Variants in EPN2 observed in about 807,000 individuals in gnomAD.
EPN2 encodes epsin-2.
A neutral mutation model predicts 61.7 loss-of-function variants in EPN2; 34 were observed. That is an observed-to-expected ratio of 0.55 (90% CI 0.42 to 0.73). The LOEUF (loss-of-function observed/expected upper bound fraction) is 0.73, where lower values mean the gene tolerates loss of function less well. Ranked by LOEUF, EPN2 falls within the 30% of genes least tolerant of loss-of-function variation. The probability of loss-of-function intolerance (pLI) is 0.00; values close to 1 mark genes in which losing one functional copy is unlikely to be tolerated. For missense variants in EPN2, 714 were observed against 839.2 expected (o/e 0.85, Z 1.84); for synonymous variants, 349 against 353.6 (o/e 0.99, Z 0.15).
At chr17:19,244,470 A>G (rs115256557) in intron 1 of EPN2, among the ~76,000 whole-genome samples, 1,800 of 152,176 alleles carry the variant, frequency 0.012, 33 homozygotes, top group African/African-American at 0.041. Flanking sequence ...AAAAAAAAAA[A>G]AAAGAAAGAA....
intron 1 of EPN2, among the ~76,000 whole-genome samples, chr17:19,256,021 T>A (rs1215498876): frequency 6.6e-6 from 1 of 152,070 alleles, no homozygotes; most frequent in African/African-American, 2.4e-5. Context: ...CACTGCAAGC[T>A]CTGCCTCCTG....
At chr17:19,271,383 C>T (rs746459302) in intron 1 of EPN2, among the ~76,000 whole-genome samples, 4 of 152,214 alleles carry the variant, frequency 2.6e-5, no homozygotes, top group African/African-American at 4.8e-5. Context: ...AAGGCAGGAG[C>T]CACTTCCGGT....
rs895861305 is a variant in EPN2 at position 19,335,499 on chromosome 17, A to T, written c.*1245A>T. ...TGTGTCTGTGATCTCCTCTGTCTTA[A>T]TCCACGCTCAGGCTAAAGATGGGGA... On this transcript the variant is annotated 3_prime_UTR_variant, in exon 11 of 11. Coordinates refer to ENST00000314728, the MANE Select transcript of EPN2 (RefSeq NM_014964.5). The T allele has an allele frequency of 2.6e-4, 401 of 1,542,380 alleles. 1 individual carries two copies. The highest frequency in any genetic ancestry group is 1.0e-4 in the Non-Finnish European group (114 of 1,142,364).
At chr17:19,308,263 C>T (rs980655130) in intron 4 of EPN2, 28 of 654,600 alleles carry the variant, frequency 4.3e-5, no homozygotes, top group African/African-American at 5.9e-5. Flanking sequence ...TAGTAGAGAC[C>T]GGGTTTTACC....
chr17:19,328,646 C>T lies in EPN2; in HGVS notation c.1148-65C>T, dbSNP rs1038781604. Reference sequence around the variant, plus strand: ...GGTGTGGCTGGCAGTATCCTTTTCCCTTCTCACCCCAGCTGCCCAGACCCT... The same window carrying T: ...GGTGTGGCTGGCAGTATCCTTTTCCTTTCTCACCCCAGCTGCCCAGACCCT... On this transcript the variant is annotated intron_variant, in intron 7 of 10. Transcript: ENST00000314728. The T allele has an allele frequency of 1.1e-5, 16 of 1,454,066 alleles. No homozygotes were observed. In the East Asian group the frequency reaches 2.1e-4, roughly 19 times the overall value. The allele number at this position is 1,454,066 out of a possible 1,614,324, so 90.1% of individuals were successfully genotyped here.
At chr17:19,248,909 C>T (rs2044982097) in intron 1 of EPN2, among the ~76,000 whole-genome samples, 1 of 152,092 alleles carries the variant, frequency 6.6e-6, no homozygotes, top group Non-Finnish European at 1.5e-5. Context: ...GTATGTGAGT[C>T]GAGTCTTGAA....
intron 1 of EPN2, among the ~76,000 whole-genome samples, chr17:19,262,410 G>A (rs1451708500): frequency 2.7e-5 from 4 of 150,578 alleles, no homozygotes; most frequent in African/African-American, 7.4e-5. Flanking sequence ...CCCAGGAGGC[G>A]GAGGTTGCCG....
At chr17:19,298,558 C>T (rs1308000973) in intron 4 of EPN2, among the ~76,000 whole-genome samples, 3 of 152,136 alleles carry the variant, frequency 2.0e-5, no homozygotes, top group South Asian at 4.1e-4. Context: ...CTGGCTGGAG[C>T]GGTGTTGTGA....
chr17:19,315,526 G>A (rs973540081), intron 7 of EPN2, among the ~76,000 whole-genome samples: 12 of 151,284 alleles, frequency 7.9e-5, no homozygotes, highest in South Asian at 2.1e-4. Context: ...TCTCACTATT[G>A]CCCAGGCTGG....
chr17:19,274,757 T>A (rs1268419163), intron 1 of EPN2, among the ~76,000 whole-genome samples: 1 of 152,200 alleles, frequency 6.6e-6, no homozygotes, highest in Non-Finnish European at 1.5e-5. Flanking sequence ...TCTCCCATGA[T>A]GGGGAACTCT....
chr17:19,287,745 C>G (rs1311660030), intron 4 of EPN2, among the ~76,000 whole-genome samples: 2 of 152,142 alleles, frequency 1.3e-5, no homozygotes, highest in African/African-American at 4.8e-5. Flanking sequence ...GCAGAGGAGG[C>G]AGACTGCTCA....
At chr17:19,303,692 A>G (rs997076086) in intron 4 of EPN2, 1 of 152,394 alleles carries the variant, frequency 6.6e-6, no homozygotes, top group South Asian at 2.1e-4. Flanking sequence ...CCTGTGTTGT[A>G]AAGTCACATC....
At chr17:19,239,178 G>A (rs1310686330) in intron 1 of EPN2, among the ~76,000 whole-genome samples, 1 of 152,190 alleles carries the variant, frequency 6.6e-6, no homozygotes, top group African/African-American at 2.4e-5. Context: ...TTGAGACGGA[G>A]TCTCTGTCAC....
intron 1 of EPN2, among the ~76,000 whole-genome samples, chr17:19,253,630 T>C (rs2045040168): frequency 1.3e-5 from 2 of 151,972 alleles, no homozygotes; most frequent in Non-Finnish European, 2.9e-5. Context: ...AACTTCTAGG[T>C]TCAGGTGATC....
chr17:19,326,991 T>C (rs1432257772), intron 7 of EPN2, among the ~76,000 whole-genome samples: 1 of 152,096 alleles, frequency 6.6e-6, no homozygotes, highest in Admixed American at 6.6e-5. Context: ...ATCAAATAAC[T>C]TTTCAGCCCA....
At chr17:19,307,401 CTTG>C (rs1229738980) in intron 4 of EPN2, among the ~76,000 whole-genome samples, 1 of 152,030 alleles carries the variant, frequency 6.6e-6, no homozygotes, top group African/African-American at 2.4e-5. Flanking sequence ...AGCTCTGCCT[CTTG>C]GGTTCATGCC....
At chr17:19,264,712 A>G (rs2045177912) in intron 1 of EPN2, among the ~76,000 whole-genome samples, 1 of 151,938 alleles carries the variant, frequency 6.6e-6, no homozygotes, top group Non-Finnish European at 1.5e-5. Context: ...AGCTTGGAGG[A>G]AGGGAGAGAG....
intron 1 of EPN2, 67 bp downstream of exon 1, chr17:19,237,598 C>G (rs1216927512): frequency 2.0e-5 from 3 of 152,480 alleles, no homozygotes; most frequent in Admixed American, 2.0e-4. Context: ...TCCCCCTCTC[C>G]AGGGCGCGGA....
At chr17:19,257,012 T>C (rs1045019481) in intron 1 of EPN2, among the ~76,000 whole-genome samples, 4 of 152,220 alleles carry the variant, frequency 2.6e-5, no homozygotes, top group African/African-American at 9.7e-5. Context: ...ACAGACTTTC[T>C]TGATTTAAAA....
Sources: gnomAD v4.1 joint callset for allele counts (sites outside exome capture counted in the v4.1 genomes callset) on GRCh38, gnomAD v4.1.1 for gene constraint, MANE v1.5 for transcripts, NCBI Gene and HGNC (gene_info 2026-07-23, HGNC 2026-07-21) for gene names.